The following MYO5B variants were observed in gnomAD, a reference collection of about 807,000 sequenced individuals.
The protein encoded by MYO5B is myosin VB, also known as unconventional myosin-Vb.
A neutral mutation model predicts 229.3 loss-of-function variants in MYO5B; 143 were observed. The ratio of observed to expected loss-of-function variants is 0.62; its 90% CI spans 0.54 to 0.72. The LOEUF (loss-of-function observed/expected upper bound fraction) is 0.72. Among genes scored for constraint, MYO5B ranks in the 30% least tolerant of loss-of-function variants. The pLI is 0.00. For synonymous variants in MYO5B, 918 were observed against 885.2 expected (o/e 1.04, Z -0.66); for missense variants, 2,321 against 2,331.0 (o/e 1.00, Z 0.09).
intron 1 of MYO5B, among the ~76,000 whole-genome samples, chr18:50,058,653 T>C (rs911185232): frequency 2.9e-4 from 44 of 151,834 alleles, no homozygotes; most frequent in African/African-American, 1.0e-3. Flanking sequence ...TCTACTAAAA[T>C]TACAAAAATT....
At chr18:49,847,321 G>A (rs369740451) in intron 32 of MYO5B, 32 bp from the exon 33 acceptor site, 1 of 1,608,454 alleles carries the variant, frequency 6.2e-7, no homozygotes, top group Non-Finnish European at 8.5e-7. Flanking sequence ...AAGCATGGAT[G>A]AGACTTCCAG....
chr18:49,864,403 C>A (rs1229931466), intron 27 of MYO5B, 23 bp from the exon 28 acceptor site: 2 of 1,611,618 alleles, frequency 1.2e-6, no homozygotes, highest in Non-Finnish European at 1.7e-6. Context: ...CCAAGGGCCG[C>A]TGCCATTACT....
chr18:50,027,047 T>C (rs145958538), intron 4 of MYO5B, among the ~76,000 whole-genome samples: 1 of 152,282 alleles, frequency 6.6e-6, no homozygotes, highest in Non-Finnish European at 1.5e-5. Flanking sequence ...AGCTGCTCTG[T>C]CTTCTGGGAT....
intron 5 of MYO5B, among the ~76,000 whole-genome samples, chr18:49,993,711 C>T (rs1439761263): frequency 6.6e-6 from 1 of 152,158 alleles, no homozygotes; most frequent in Non-Finnish European, 1.5e-5. Flanking sequence ...AACATTGTCA[C>T]CTCTTTCCTG....
intron 4 of MYO5B, among the ~76,000 whole-genome samples, chr18:50,027,020 T>C (rs2026338239): frequency 6.6e-6 from 1 of 152,156 alleles, no homozygotes; most frequent in Admixed American, 6.5e-5. Flanking sequence ...TCAGGCCCAT[T>C]GTCAGACTAG....
At chr18:50,184,657 G>A (rs1304211678) in intron 1 of MYO5B, among the ~76,000 whole-genome samples, 1 of 152,182 alleles carries the variant, frequency 6.6e-6, no homozygotes, top group Non-Finnish European at 1.5e-5. Flanking sequence ...CAGAACAAAT[G>A]AAGGGGAAAA....
chr18:50,136,929 G>A (rs1201640216), intron 1 of MYO5B, among the ~76,000 whole-genome samples: 2 of 152,096 alleles, frequency 1.3e-5, no homozygotes, highest in Non-Finnish European at 2.9e-5. Flanking sequence ...ATATCTATAG[G>A]CCCTGTTATA....
chr18:50,100,337 C>T (rs2031631681), intron 1 of MYO5B, among the ~76,000 whole-genome samples: 1 of 152,200 alleles, frequency 6.6e-6, no homozygotes, highest in Admixed American at 6.5e-5. Context: ...GGTTGTGTTG[C>T]ACCAGCAAAA....
intron 4 of MYO5B, among the ~76,000 whole-genome samples, chr18:50,014,294 A>AAC (rs1555651333): frequency 0.16 from 22,261 of 141,444 alleles, 1,964 homozygotes; most frequent in South Asian, 0.2. Context: ...AAAAAAAAAA[A>AAC]AACTACGGGT....
chr18:49,992,303 G>A lies in MYO5B; in HGVS notation c.741C>T (p.Ser247=). ...TCCCACTCACCTGGAAGACCACTCT[G>A]GACTTCTCCAAGAGGTAAGTCCTCA... ...ANMRTYLLEK[S]RVVFQADDER... The change falls in exon 6 of 40, where the codon TCC becomes TCT. Residue 247 remains serine (S), a synonymous_variant. Coordinates refer to ENST00000285039, the MANE Select transcript of MYO5B (RefSeq NM_001080467.3). 6.2e-7 allele frequency: 1 copy of A among 1,614,132 alleles called. No individual in the cohort carries two copies. Among genetic ancestry groups the A allele is most frequent in the Non-Finnish European group, 8.5e-7 (1 of 1,180,016 alleles).
intron 1 of MYO5B, among the ~76,000 whole-genome samples, chr18:50,058,726 G>A (rs755757364): frequency 5.9e-5 from 9 of 151,654 alleles, no homozygotes; most frequent in Non-Finnish European, 8.8e-5. Flanking sequence ...CAGAAGAATC[G>A]CTTGAGTCCG....
intron 36 of MYO5B, 58 bp downstream of exon 36, chr18:49,839,086 C>G (rs370691193): frequency 3.7e-6 from 6 of 1,606,820 alleles, no homozygotes; most frequent in Non-Finnish European, 5.1e-6. Context: ...GCTGACCACG[C>G]CTTCCCCTCA....
chr18:50,053,528 T>A (rs951526012), intron 2 of MYO5B, among the ~76,000 whole-genome samples: 5 of 152,178 alleles, frequency 3.3e-5, no homozygotes, highest in African/African-American at 9.7e-5. Flanking sequence ...AATTTCATTT[T>A]TTTTTCCTGG....
intron 10 of MYO5B, among the ~76,000 whole-genome samples, chr18:49,965,647 C>A (rs982130837): frequency 1.3e-5 from 2 of 152,130 alleles, no homozygotes; most frequent in African/African-American, 4.8e-5. Flanking sequence ...GCTGAAGAAA[C>A]TGATGGGCAG....
At chr18:49,867,441 G>C (rs1177935494) in intron 27 of MYO5B, among the ~76,000 whole-genome samples, 3 of 152,130 alleles carry the variant, frequency 2.0e-5, no homozygotes, top group Non-Finnish European at 4.4e-5. Context: ...TGAAGTCTTG[G>C]GAGGATGTGT....
At chr18:50,112,646 C>T (rs899059210) in intron 1 of MYO5B, among the ~76,000 whole-genome samples, 2 of 152,192 alleles carry the variant, frequency 1.3e-5, no homozygotes, top group Non-Finnish European at 2.9e-5. Flanking sequence ...CTGGTACATA[C>T]ACAAGAAAAC....
chr18:50,025,761 T>C (rs2043426594), intron 4 of MYO5B, among the ~76,000 whole-genome samples: 1 of 152,154 alleles, frequency 6.6e-6, no homozygotes, highest in South Asian at 2.1e-4. Flanking sequence ...AAAGGTACAA[T>C]GACAAGGACC....
At chr18:49,960,161 G>C (rs2025542251) in intron 12 of MYO5B, among the ~76,000 whole-genome samples, 1 of 152,134 alleles carries the variant, frequency 6.6e-6, no homozygotes, top group Non-Finnish European at 1.5e-5. Context: ...CCACTGCACA[G>C]CTTCCCCAAG....
At chr18:50,035,324 G>A (rs1325126404) in intron 4 of MYO5B, among the ~76,000 whole-genome samples, 8 of 152,210 alleles carry the variant, frequency 5.3e-5, no homozygotes, top group East Asian at 1.9e-4. Context: ...GTCTTAGAGC[G>A]CTGTCAGAGC....
Sources: allele counts gnomAD v4.1 joint callset (sites outside exome capture counted in the v4.1 genomes callset), GRCh38; gene constraint gnomAD v4.1.1; transcripts MANE v1.5; gene names NCBI Gene and HGNC (gene_info 2026-07-23, HGNC 2026-07-21).